The following FRMD6 variants were observed in gnomAD, a reference collection of about 807,000 sequenced individuals.
FRMD6 encodes FERM domain containing 6, also known as FERM domain-containing protein 6.
In FRMD6, 37 loss-of-function variants were observed where a neutral mutation model predicts 73.2. The ratio of observed to expected loss-of-function variants is 0.51; its 90% CI spans 0.39 to 0.66. FRMD6 has a LOEUF of 0.66. Ranked by LOEUF, FRMD6 falls within the 30% of genes least tolerant of loss-of-function variation. FRMD6 has a pLI of 0.00. For synonymous variants in FRMD6, 273 were observed against 282.2 expected (o/e 0.97, Z 0.33); for missense variants, 714 against 780.5 (o/e 0.91, Z 1.02).
intron 1 of FRMD6, among the ~76,000 whole-genome samples, chr14:51,550,042 A>C (rs916718201): frequency 2.6e-5 from 4 of 152,166 alleles, no homozygotes; most frequent in African/African-American, 9.7e-5. Flanking sequence ...ACAGTTGTAT[A>C]GCCTTAATGA....
At chr14:51,705,127 G>A (rs1896548601) in intron 6 of FRMD6, among the ~76,000 whole-genome samples, 192 bp downstream of exon 6, 1 of 152,044 alleles carries the variant, frequency 6.6e-6, no homozygotes, top group East Asian at 1.9e-4. Context: ...CTTATGGTGA[G>A]TGGGGTAGAG....
intron 2 of FRMD6, among the ~76,000 whole-genome samples, chr14:51,624,427 A>C (rs1891044001): frequency 2.0e-5 from 3 of 152,194 alleles, no homozygotes; most frequent in Admixed American, 2.0e-4. Context: ...AAATTAGATA[A>C]AGGCAGATTC....
intron 1 of FRMD6, among the ~76,000 whole-genome samples, chr14:51,661,317 A>G (rs1937726457): frequency 6.6e-6 from 1 of 152,178 alleles, no homozygotes; most frequent in Non-Finnish European, 1.5e-5. Context: ...CACACACATA[A>G]TCCAAGAAGT....
At chr14:51,480,518 T>G in the FRMD6 span, among the ~76,000 whole-genome samples, 1 of 152,266 alleles carries the variant, frequency 6.6e-6, no homozygotes, top group Admixed American at 6.5e-5. Context: ...GGTTTTAAAA[T>G]TCCAGGACTG....
Position 51,610,623 on chromosome 14 carries a change from G to C in FRMD6, c.-147+40213G>C, listed in dbSNP as rs183006675. On this transcript the variant is annotated intron_variant, in intron 2 of 14. Coordinates refer to the FRMD6 transcript ENST00000356218. ...TCACTTTTTATTGGTCAAGTCTAAT[G>C]CCAGTTTCCTAGGGTTCCATCATAA... Among the ~76,000 whole-genome samples the C allele has an allele frequency of 9.0e-3, 1,352 of 149,730 alleles. 8 individuals are homozygous for C. The highest frequency in any genetic ancestry group is 0.014 in the Non-Finnish European group (943 of 66,362).
intron 1 of FRMD6, among the ~76,000 whole-genome samples, chr14:51,652,671 A>G (rs1892510124): frequency 6.6e-6 from 1 of 152,148 alleles, no homozygotes. Context: ...CCTGGGTGAG[A>G]TACGAGTTGG....
At chr14:51,659,100 G>A (rs1200549217) in intron 1 of FRMD6, among the ~76,000 whole-genome samples, 1 of 152,144 alleles carries the variant, frequency 6.6e-6, no homozygotes, top group Non-Finnish European at 1.5e-5. Flanking sequence ...TATAATGATA[G>A]GAATGAGGTC....
the FRMD6 span, among the ~76,000 whole-genome samples, chr14:51,437,342 G>GC: frequency 6.6e-6 from 1 of 152,068 alleles, no homozygotes; most frequent in East Asian, 1.9e-4. Flanking sequence ...TCGCTCTGTC[G>GC]CCCAAGCTGG....
intron 1 of FRMD6, among the ~76,000 whole-genome samples, chr14:51,663,930 G>A (rs368909614): frequency 3.9e-5 from 6 of 152,160 alleles, no homozygotes; most frequent in African/African-American, 9.7e-5. Context: ...TGATAACTAC[G>A]TTAATCCACT....
rs558564439 is a variant in FRMD6 at position 51,520,482 on chromosome 14, T to C, written c.-210+31062T>C. Among the ~76,000 whole-genome samples the C allele has an allele frequency of 1.1e-4, 16 of 152,348 alleles. No homozygotes were observed. The South Asian group carries it at 1.5e-3, about 14-fold the overall frequency. ...AAAATATATGTCTACACAAAATTTG[T>C]ACACAAATGTTTATAACAGCTTTAT... On this transcript the variant is annotated intron_variant, in intron 1 of 14. Transcript: ENST00000356218.
chr14:51,606,910 T>A (rs1280737186), intron 2 of FRMD6, among the ~76,000 whole-genome samples: 2 of 151,890 alleles, frequency 1.3e-5, no homozygotes, highest in Non-Finnish European at 2.9e-5. Flanking sequence ...TGGCATAAGT[T>A]CTCCAGACCA....
chr14:51,430,199 T>C, the FRMD6 span, among the ~76,000 whole-genome samples: 1 of 152,214 alleles, frequency 6.6e-6, no homozygotes, highest in South Asian at 2.1e-4. Context: ...ACATGTAAGT[T>C]TGGATTTACA....
At chr14:51,719,918 C>G (rs1897439364) in intron 10 of FRMD6, 137 bp from the exon 11 acceptor site, 1 of 656,368 alleles carries the variant, frequency 1.5e-6, no homozygotes, top group Non-Finnish European at 2.6e-6. Context: ...AAGTCAAATT[C>G]CTATCTAAAT....
At chr14:51,400,317 ACTT>A in the FRMD6 span, among the ~76,000 whole-genome samples, 2 of 151,660 alleles carry the variant, frequency 1.3e-5, no homozygotes, top group Non-Finnish European at 2.9e-5. Context: ...TCTACTCTCT[ACTT>A]CTACTTTTTT....
the FRMD6 span, among the ~76,000 whole-genome samples, chr14:51,419,930 C>T: frequency 1.3e-5 from 2 of 149,536 alleles, no homozygotes; most frequent in Admixed American, 1.3e-4. Flanking sequence ...CATGGGACTT[C>T]CTGCCCTCGT....
the FRMD6 span, chr14:51,397,063 C>G: frequency 6.6e-6 from 1 of 152,344 alleles, no homozygotes; most frequent in Non-Finnish European, 1.5e-5. Flanking sequence ...CAGGGAAGAT[C>G]TGTTCCTTGA....
At position 51,725,783 on chromosome 14, in the gene FRMD6, G is replaced by T. The variant is rs1488034276; in HGVS notation, c.1497G>T (p.Leu499Phe). The T allele has an allele frequency of 6.2e-7, 1 of 1,610,920 alleles. No homozygotes were observed. The highest frequency in any genetic ancestry group is 1.7e-5 in the Admixed American group (1 of 59,998). ...TATCTCTGTGTTTTATTTCAGGGTT[G>T]ATTGTGAAAGAAATTGGGTCTTCCA... ...MSRKLNGHSG[L>F]IVKEIGSSTS... Residue 499 changes from leucine (L) to phenylalanine (F), a missense_variant, in exon 13 of 14, where the codon TTG becomes TTT. Transcript: ENST00000344768.
chr14:51,455,153 C>G, the FRMD6 span, among the ~76,000 whole-genome samples: 2 of 152,242 alleles, frequency 1.3e-5, no homozygotes, highest in African/African-American at 4.8e-5. Flanking sequence ...TACTATAGGA[C>G]TTCTTAGGAC....
chr14:51,621,406 G>T (rs1420402317), intron 2 of FRMD6, among the ~76,000 whole-genome samples: 2 of 152,162 alleles, frequency 1.3e-5, no homozygotes, highest in African/African-American at 2.4e-5. Context: ...ACCACCAAGG[G>T]CAAGTTATTG....
Sources: gnomAD v4.1 joint callset for allele counts (sites outside exome capture counted in the v4.1 genomes callset) on GRCh38, gnomAD v4.1.1 for gene constraint, MANE v1.5 for transcripts, NCBI Gene and HGNC (gene_info 2026-07-23, HGNC 2026-07-21) for gene names.